TTC28: variants seen among roughly 807,000 people sequenced by gnomAD.
TTC28 encodes the protein tetratricopeptide repeat domain 28.
Under a neutral mutation model 198.0 loss-of-function variants are expected in TTC28, and 61 were observed. The ratio of observed to expected loss-of-function variants is 0.31; its 90% CI spans 0.25 to 0.38. The LOEUF (loss-of-function observed/expected upper bound fraction) is 0.38. Ranked by LOEUF, TTC28 falls within the 10% of genes least tolerant of loss-of-function variation. TTC28 has a pLI of 1.00. For synonymous variants in TTC28, 1,171 were observed against 1,297.8 expected, an observed-to-expected ratio of 0.90 and a Z score of 2.10; for missense variants, 2,678 against 3,164.0, an observed-to-expected ratio of 0.85 and a Z score of 3.69.
At chr22:28,596,006 T>G (rs1024371161) in intron 2 of TTC28, among the ~76,000 whole-genome samples, 4 of 152,248 alleles carry the variant, frequency 2.6e-5, no homozygotes, top group African/African-American at 9.6e-5. Context: ...CCGACTCTCA[T>G]GGAGCCTGCA....
At position 28,163,496 on chromosome 22, in the gene TTC28, T is replaced by G; in HGVS notation, c.1037A>C (p.Gln346Pro). 6.4e-7 allele frequency: 1 copy of G among 1,551,812 alleles called. No individual in the cohort carries two copies. The highest frequency in any genetic ancestry group is 1.2e-5 in the South Asian group (1 of 84,058). Residue 346 changes from glutamine (Q) to proline (P), a missense_variant, in exon 6 of 23, where the codon CAA (glutamine) becomes CCA (proline). Transcript: ENST00000397906. ...SHKQCVLLAKQSKDELSEARE... is the reference protein window; with the variant it reads ...SHKQCVLLAKPSKDELSEARE... ...GGCTTCAGAAAGTTCATCTTTGGAT[T>G]GCTTGGCAAGAAGAACACACTGTTT...
At chr22:28,244,098 G>A (rs1363990694) in intron 5 of TTC28, among the ~76,000 whole-genome samples, 2 of 152,160 alleles carry the variant, frequency 1.3e-5, no homozygotes, top group Non-Finnish European at 2.9e-5. Flanking sequence ...AAATATATAT[G>A]CCAAGAGTCA....
At chr22:28,532,450 A>G (rs1215511525) in intron 2 of TTC28, among the ~76,000 whole-genome samples, 2 of 152,198 alleles carry the variant, frequency 1.3e-5, no homozygotes, top group South Asian at 2.1e-4. Flanking sequence ...AGGACCAGAC[A>G]GATTCACAGC....
intron 6 of TTC28, among the ~76,000 whole-genome samples, chr22:28,148,668 G>GA (rs1231977081): frequency 6.6e-6 from 1 of 151,206 alleles, no homozygotes; most frequent in African/African-American, 2.4e-5. Flanking sequence ...TCTTTCCATG[G>GA]AAAAAATCAT....
chr22:28,471,499 G>C (rs1273324796), intron 2 of TTC28, among the ~76,000 whole-genome samples: 1 of 152,142 alleles, frequency 6.6e-6, no homozygotes, highest in Non-Finnish European at 1.5e-5. Context: ...GTATTATTTG[G>C]TGAAGAAAAT....
intron 2 of TTC28, among the ~76,000 whole-genome samples, chr22:28,416,943 A>G (rs2047175383): frequency 6.6e-6 from 1 of 152,218 alleles, no homozygotes. Flanking sequence ...TAGCATATCC[A>G]TAATATTAAT....
rs2051695420 is a variant in TTC28 at position 28,658,592 on chromosome 22, TTA to T, written c.102+21028_102+21029del. 2.0e-5 allele frequency among the ~76,000 whole-genome samples: 3 copies of T among 152,038 alleles called. No homozygotes were observed. The South Asian group carries it at 6.2e-4, about 32-fold the overall frequency. On this transcript the variant is annotated intron_variant, in intron 1 of 22. Transcript: ENST00000397906. ...AGTTTCACTTTTACAAGATGAAGAG[TTA>T]TAGAGATGGATAATGGTGATAGTTG...
At chr22:28,218,483 G>GT (rs559241430) in intron 5 of TTC28, among the ~76,000 whole-genome samples, 1 of 151,676 alleles carries the variant, frequency 6.6e-6, no homozygotes, top group Non-Finnish European at 1.5e-5. Context: ...CATTCATTCA[G>GT]TTTTTTTCAC....
intron 2 of TTC28, among the ~76,000 whole-genome samples, chr22:28,554,858 G>A (rs979619758): frequency 6.6e-6 from 1 of 152,082 alleles, no homozygotes; most frequent in Non-Finnish European, 1.5e-5. Context: ...GTAACAGAGT[G>A]AGACTCCGTC....
At chr22:28,177,947 C>T (rs1244725656) in intron 5 of TTC28, among the ~76,000 whole-genome samples, 2 of 151,974 alleles carry the variant, frequency 1.3e-5, no homozygotes, top group Non-Finnish European at 2.9e-5. Context: ...TTTGTCAAAA[C>T]CCACAGAACT....
chr22:28,018,720 A>G (rs1003093732), intron 13 of TTC28, among the ~76,000 whole-genome samples: 6 of 152,094 alleles, frequency 3.9e-5, no homozygotes, highest in Non-Finnish European at 8.8e-5. Context: ...GGTCAGGGGG[A>G]TGGCAGGCAG....
chr22:28,050,853 A>G (rs1291255263), intron 12 of TTC28, among the ~76,000 whole-genome samples: 2 of 152,226 alleles, frequency 1.3e-5, no homozygotes, highest in Admixed American at 1.3e-4. Flanking sequence ...TATAAATACA[A>G]CAAACCCCAA....
intron 5 of TTC28, among the ~76,000 whole-genome samples, chr22:28,258,940 C>G (rs1198159826): frequency 1.3e-5 from 2 of 149,792 alleles, no homozygotes; most frequent in South Asian, 4.2e-4. Flanking sequence ...TGTCCTACAA[C>G]CTCACACTTT....
chr22:28,511,057 A>G (rs540157138), intron 2 of TTC28, among the ~76,000 whole-genome samples: 1 of 152,340 alleles, frequency 6.6e-6, no homozygotes, highest in South Asian at 2.1e-4. Flanking sequence ...GGAATAATCA[A>G]TACTCATGAA....
chr22:27,988,078 C>A (rs1301694580), intron 21 of TTC28, among the ~76,000 whole-genome samples: 4 of 151,968 alleles, frequency 2.6e-5, no homozygotes, highest in Non-Finnish European at 4.4e-5. Context: ...AAATAAAAAA[C>A]CAAGTAATGC....
intron 13 of TTC28, 112 bp from the exon 14 acceptor site, chr22:28,014,504 G>T: frequency 8.0e-7 from 1 of 1,248,820 alleles, no homozygotes. Flanking sequence ...CTTCACAGCA[G>T]CAACCCCGCC....
Position 27,999,190 on chromosome 22 carries a change from T to C in TTC28, c.4469A>G (p.Lys1490Arg). 6.4e-7 allele frequency: 1 copy of C among 1,550,926 alleles called. No homozygotes were observed. The highest frequency in any genetic ancestry group is 1.4e-5 in the African/African-American group (1 of 73,166). Residue 1490 changes from lysine (K) to arginine (R), a missense_variant, in exon 16 of 23, where the codon AAG (lysine) becomes AGG (arginine). By Grantham distance (26) the Lys-to-Arg change is conservative (BLOSUM62 2). Around this residue, in one of 8 missense-constraint regions of TTC28, gnomAD observed 727 missense variants for 861.9 expected, o/e 0.84. Coordinates refer to ENST00000397906, the MANE Select transcript of TTC28 (RefSeq NM_001145418.2). ...CCTGTCCATCACGGCCGATGGTAGCTTGGGGTTGCCGATGACAGCCGCCAT... is the reference window on the plus strand; with the variant it reads ...CCTGTCCATCACGGCCGATGGTAGCCTGGGGTTGCCGATGACAGCCGCCAT... The part of the protein sequence containing the change: ...TSMAAVIGNP[K>R]LPSAVMDRWL...
At chr22:28,593,256 CA>C (rs1447914360) in intron 2 of TTC28, among the ~76,000 whole-genome samples, 1 of 152,182 alleles carries the variant, frequency 6.6e-6, no homozygotes, top group Admixed American at 6.5e-5. Flanking sequence ...TGAAAGTCTT[CA>C]GAGGTTCGTG....
intron 2 of TTC28, among the ~76,000 whole-genome samples, chr22:28,424,926 TAGA>T (rs1212894603): frequency 6.6e-6 from 1 of 152,196 alleles, no homozygotes; most frequent in Non-Finnish European, 1.5e-5. Flanking sequence ...GTTCTTGGAT[TAGA>T]AGAACATTTG....
Sources: allele counts gnomAD v4.1 joint callset (sites outside exome capture counted in the v4.1 genomes callset), GRCh38; gene constraint gnomAD v4.1.1; regional missense constraint gnomAD v4.1.1; transcripts MANE v1.5; gene names NCBI Gene and HGNC (gene_info 2026-07-23, HGNC 2026-07-21).